Variants in METTL24 observed in about 807,000 individuals in gnomAD.
METTL24 encodes the protein methyltransferase like 24.
In METTL24, 29 loss-of-function variants were observed where a neutral mutation model predicts 32.7. The ratio of observed to expected loss-of-function variants is 0.89; its 90% CI spans 0.66 to 1.21. METTL24 has a LOEUF of 1.21. Ranked by LOEUF, METTL24 falls within the 50% of genes most tolerant of loss-of-function variation. The pLI is 0.00. For synonymous variants in METTL24, 163 were observed against 179.5 expected (o/e 0.91, Z 0.73); for missense variants, 439 against 468.1 (o/e 0.94, Z 0.57).
chr6:110,276,904 C>A (rs1771057690), intron 4 of METTL24, among the ~76,000 whole-genome samples: 1 of 151,936 alleles, frequency 6.6e-6, no homozygotes, highest in East Asian at 1.9e-4. Context: ...GGAAAAAGGG[C>A]CAAGAGAAAG....
intron 1 of METTL24, among the ~76,000 whole-genome samples, chr6:110,350,175 A>G (rs1191564048): frequency 6.6e-6 from 1 of 152,230 alleles, no homozygotes; most frequent in Admixed American, 6.5e-5. Flanking sequence ...TTCCTCACAC[A>G]TGGGAAAGAT....
intron 4 of METTL24, among the ~76,000 whole-genome samples, chr6:110,274,852 G>T (rs1421230057): frequency 7.4e-6 from 1 of 136,018 alleles, no homozygotes; most frequent in African/African-American, 2.8e-5. Flanking sequence ...AGGCCAGAGT[G>T]CAGTGGCGCC....
At chr6:110,347,298 T>G (rs1225658363) in intron 1 of METTL24, among the ~76,000 whole-genome samples, 2 of 152,236 alleles carry the variant, frequency 1.3e-5, no homozygotes, top group African/African-American at 4.8e-5. Context: ...CTTCCCTGTC[T>G]GCAAAATGAG....
chr6:110,272,567 C>T (rs942935045), intron 4 of METTL24, among the ~76,000 whole-genome samples: 6 of 152,212 alleles, frequency 3.9e-5, no homozygotes, highest in African/African-American at 4.8e-5. Flanking sequence ...AGTGGTTGAA[C>T]TAATGTACAT....
At chr6:110,328,931 T>G (rs1357929872) in intron 1 of METTL24, among the ~76,000 whole-genome samples, 1 of 152,176 alleles carries the variant, frequency 6.6e-6, no homozygotes, top group Non-Finnish European at 1.5e-5. Context: ...AGGCAGCCCA[T>G]GAAGAAATTA....
At chr6:110,333,879 A>C (rs1772157899) in intron 1 of METTL24, among the ~76,000 whole-genome samples, 1 of 152,134 alleles carries the variant, frequency 6.6e-6, no homozygotes, top group Admixed American at 6.5e-5. Context: ...TACTTTATTT[A>C]TACTTTTATT....
chr6:110,293,927 T>C (rs2114727345), intron 4 of METTL24, among the ~76,000 whole-genome samples: 1 of 152,092 alleles, frequency 6.6e-6, no homozygotes, highest in South Asian at 2.1e-4. Flanking sequence ...TATAAATCCT[T>C]ATTTTTCCCC....
chr6:110,313,569 A>G (rs1436449730), intron 3 of METTL24, among the ~76,000 whole-genome samples: 1 of 152,214 alleles, frequency 6.6e-6, no homozygotes, highest in Non-Finnish European at 1.5e-5. Flanking sequence ...GTAAAATATT[A>G]AGTAAAATAT....
At position 110,336,190 on chromosome 6, in the gene METTL24, G is replaced by A. The variant is rs138174954; in HGVS notation, c.319-13318C>T. On this transcript the variant is annotated intron_variant, in intron 1 of 4. Transcript: ENST00000338882. ...ACAATGTGTCACGGGAAAGGATTTG[G>A]GCCTTTCTGATGAGTGGCAGTGGTA... Among the ~76,000 whole-genome samples, 29 of 152,312 alleles carry A rather than the reference G, an allele frequency of 1.9e-4. No homozygotes were observed. The East Asian group carries it at 5.6e-3, about 29-fold the overall frequency.
chr6:110,275,788 T>C (rs996272292), intron 4 of METTL24, among the ~76,000 whole-genome samples: 1 of 152,176 alleles, frequency 6.6e-6, no homozygotes, highest in East Asian at 1.9e-4. Flanking sequence ...ACCTATGGCA[T>C]AGAGTATGAA....
intron 3 of METTL24, among the ~76,000 whole-genome samples, chr6:110,303,580 G>A (rs1007366898): frequency 7.2e-5 from 11 of 152,158 alleles, no homozygotes; most frequent in South Asian, 2.1e-4. Flanking sequence ...CCACCACGGC[G>A]CCTCAAAGCT....
chr6:110,295,959 C>G (rs577182301), intron 4 of METTL24, among the ~76,000 whole-genome samples: 1 of 152,152 alleles, frequency 6.6e-6, no homozygotes. Flanking sequence ...TGTTCTCAGA[C>G]CTACTTCTCA....
chr6:110,349,069 A>G (rs1003804920), intron 1 of METTL24, among the ~76,000 whole-genome samples: 2 of 152,222 alleles, frequency 1.3e-5, no homozygotes, highest in Non-Finnish European at 2.9e-5. Context: ...GTGCAGATTC[A>G]GTGAGGCATC....
rs780801575 is a variant in METTL24 at position 110,299,167 on chromosome 6, C to T, written c.558-17G>A. Reference sequence around the variant, plus strand: ...CTTCCTAGCCTATAAAGAAAGAGGACGGAAATCAACAACAAAAAATGCAAT... The same window carrying T: ...CTTCCTAGCCTATAAAGAAAGAGGATGGAAATCAACAACAAAAAATGCAAT... On this transcript the variant is annotated splice_polypyrimidine_tract_variant and intron_variant, in intron 3 of 4. Transcript: ENST00000338882. 61 of 1,605,358 alleles carry T rather than the reference C, an allele frequency of 3.8e-5. No homozygotes were observed. In the Middle Eastern group the frequency reaches 5.0e-4, roughly 13 times the overall value.
At chr6:110,357,219 C>CA in intron 1 of METTL24, 1 of 152,354 alleles carries the variant, frequency 6.6e-6, no homozygotes, top group South Asian at 2.1e-4. Flanking sequence ...GAGATGAGCC[C>CA]AAAACCTTAA....
intron 4 of METTL24, among the ~76,000 whole-genome samples, chr6:110,247,075 T>G (rs541230480): frequency 1.3e-5 from 2 of 152,280 alleles, no homozygotes; most frequent in South Asian, 4.1e-4. Context: ...AATCAAGTTA[T>G]GAGAATCAGC....
chr6:110,302,233 G>A (rs548418244), intron 3 of METTL24, among the ~76,000 whole-genome samples: 8 of 151,562 alleles, frequency 5.3e-5, no homozygotes, highest in Non-Finnish European at 7.4e-5. Flanking sequence ...AGCCGAGATC[G>A]TGCCACTGCA....
intron 1 of METTL24, among the ~76,000 whole-genome samples, chr6:110,356,315 C>T (rs990578213): frequency 5.9e-5 from 9 of 152,064 alleles, no homozygotes; most frequent in Non-Finnish European, 8.8e-5. Flanking sequence ...TGGTGGTGCA[C>T]GCCTGTAATC....
rs190977050 is a variant in METTL24, at chr6:110,287,961, A to G, written c.786+10961T>C. Among the ~76,000 whole-genome samples, 178 of 152,338 alleles carry G rather than the reference A, an allele frequency of 1.2e-3. 1 individual carries two copies. Among genetic ancestry groups the G allele is most frequent in the African/African-American group, 3.2e-3 (134 of 41,584 alleles). The stretch of plus-strand genomic sequence containing the variant: ...AGACCAGCAGGGAACACTTTTATAA[A>G]GGAGCTTCCCTCCTGAGAAAAAATG... On this transcript the variant is annotated intron_variant, in intron 4 of 4. Coordinates refer to ENST00000338882, the MANE Select transcript of METTL24 (RefSeq NM_001123364.3).
Sources: gnomAD v4.1 joint callset for allele counts (sites outside exome capture counted in the v4.1 genomes callset) on GRCh38, gnomAD v4.1.1 for gene constraint, MANE v1.5 for transcripts, NCBI Gene and HGNC (gene_info 2026-07-23, HGNC 2026-07-21) for gene names.